IGBP1: variants seen among roughly 807,000 people sequenced by gnomAD.
IGBP1 encodes immunoglobulin-binding protein 1.
IGBP1 carries 2 observed loss-of-function variants against 25.9 expected under a neutral mutation model. That is an observed-to-expected ratio of 0.08 (90% CI 0.03 to 0.24). IGBP1 has a LOEUF of 0.24. Among genes scored for constraint, IGBP1 ranks in the 10% least tolerant of loss-of-function variants. IGBP1 has a pLI of 1.00. For synonymous variants in IGBP1, 96 were observed against 93.4 expected, an observed-to-expected ratio of 1.03 and a Z score of -0.16; for missense variants, 187 against 260.4, an observed-to-expected ratio of 0.72 and a Z score of 1.94.
At chrX:70,145,148 AC>A (rs2085158538) in intron 3 of IGBP1, among the ~76,000 whole-genome samples, 1 of 109,884 alleles carries the variant, frequency 9.1e-6, no homozygotes, top group Non-Finnish European at 1.9e-5. Flanking sequence ...TCAGCTTAAG[AC>A]CCCCTGATTT....
At chrX:70,159,483 C>T (rs1457054776) in intron 6 of IGBP1, among the ~76,000 whole-genome samples, 4 of 111,508 alleles carry the variant, frequency 3.6e-5, no homozygotes, top group Admixed American at 2.9e-4. Flanking sequence ...TTCCAAGGCA[C>T]GGGTGCTCAG....
At position 70,134,525 on chromosome X, in the gene IGBP1, G is replaced by C; in HGVS notation, c.191G>C (p.Arg64Pro). The change falls in exon 3 of 7, where the codon CGA (arginine) becomes CCA (proline). Residue 64 changes from arginine (R) to proline (P), a missense_variant and splice_region_variant. By Grantham distance (103) the Arg-to-Pro change is moderately radical. Transcript: ENST00000356413. The stretch of plus-strand genomic sequence containing the variant: ...CTGCCTCCTTTTTGCTCTTCCAGCC[G>C]AAATGAAGATTTGGAAGAGATTGCT... ...EMLSQLDLFS[R>P]NEDLEEIAST... 2 of 1,210,089 alleles carry C rather than the reference G, an allele frequency of 1.7e-6. No homozygotes were observed. The highest frequency in any genetic ancestry group is 2.2e-6 in the Non-Finnish European group (2 of 894,756).
intron 6 of IGBP1, among the ~76,000 whole-genome samples, chrX:70,151,105 C>T (rs1194055499): frequency 4.5e-5 from 5 of 110,808 alleles, no homozygotes; most frequent in South Asian, 7.6e-4. Flanking sequence ...GGAATACAGG[C>T]GCCTGCCACC....
At chrX:70,162,192 A>G (rs903584005) in intron 6 of IGBP1, among the ~76,000 whole-genome samples, 4 of 111,802 alleles carry the variant, frequency 3.6e-5, no homozygotes, top group Non-Finnish European at 7.5e-5. Flanking sequence ...TGGTCAGGTC[A>G]TCGAGGTTAT....
rs574936064 is a variant in IGBP1, at chrX:70,143,818, A to T, written c.483-2815A>T. The stretch of plus-strand genomic sequence containing the variant: ...TTATGGGAGTTCCGTGGCATCTCTC[A>T]TTAGAAGAAAAGGTTCTTTTACTAA... On this transcript the variant is annotated intron_variant, in intron 3 of 6. Coordinates refer to ENST00000356413, the MANE Select transcript of IGBP1 (RefSeq NM_001551.3). Among the ~76,000 whole-genome samples the T allele has an allele frequency of 7.1e-5, 8 of 112,426 alleles. No homozygotes were observed. In the South Asian group the frequency reaches 2.9e-3, roughly 41 times the overall value.
intron 3 of IGBP1, among the ~76,000 whole-genome samples, chrX:70,145,235 C>T (rs751350442): frequency 7.3e-5 from 8 of 110,236 alleles, no homozygotes; most frequent in Non-Finnish European, 1.3e-4. Context: ...TTTCAAGATA[C>T]GTCTCTTGGA....
chrX:70,147,294 G>A (rs754328902), intron 4 of IGBP1, among the ~76,000 whole-genome samples: 7 of 110,827 alleles, frequency 6.3e-5, no homozygotes, highest in African/African-American at 2.3e-4. Context: ...GTGGTGGTGC[G>A]CGTCTGTGAT....
At chrX:70,142,743 C>T (rs2085138567) in intron 3 of IGBP1, among the ~76,000 whole-genome samples, 1 of 109,124 alleles carries the variant, frequency 9.2e-6, no homozygotes. Context: ...CACTTGAGCC[C>T]AGGAGCTAGA....
chrX:70,149,756 C>A, intron 5 of IGBP1: 2 of 127,487 alleles, frequency 1.6e-5, no homozygotes, highest in East Asian at 2.2e-4. Flanking sequence ...TTTATTATTA[C>A]ATTATTGGCA....
chrX:70,165,916 C>A lies in IGBP1; in HGVS notation c.955C>A (p.Arg319=). The A allele has an allele frequency of 8.3e-7, 1 of 1,207,708 alleles. No individual in the cohort carries two copies. The highest frequency in any genetic ancestry group is 1.1e-6 in the Non-Finnish European group (1 of 892,283). The part of the protein sequence containing the change: ...EDDEQTLHRA[R]EWDDWKDTHP... ...TGATGAACAAACACTCCACAGAGCC[C>A]GGGAGTGGGATGACTGGAAGGACAC... Residue 319 remains arginine, a synonymous_variant, in exon 7 of 7, where the codon CGG becomes AGG. Coordinates refer to ENST00000356413, the MANE Select transcript of IGBP1 (RefSeq NM_001551.3).
chrX:70,156,025 C>T, intron 6 of IGBP1, among the ~76,000 whole-genome samples: 1 of 111,508 alleles, frequency 9.0e-6, no homozygotes, highest in African/African-American at 3.3e-5. Context: ...GTTGGGACAG[C>T]CAGTCAGTGG....
chrX:70,152,119 A>T (rs2085206971), intron 6 of IGBP1, among the ~76,000 whole-genome samples: 1 of 111,119 alleles, frequency 9.0e-6, no homozygotes, highest in South Asian at 3.9e-4. Flanking sequence ...GAATGAGAGA[A>T]CTGAGATCAG....
intron 6 of IGBP1, among the ~76,000 whole-genome samples, chrX:70,160,788 A>G (rs546456504): frequency 1.8e-5 from 2 of 112,200 alleles, no homozygotes; most frequent in South Asian, 7.4e-4. Context: ...AAATCATGCA[A>G]AATTTTAACA....
In IGBP1 at chrX:70,165,881, A is replaced by G; in HGVS notation, c.920A>G (p.Glu307Gly). The G allele has an allele frequency of 8.3e-7, 1 of 1,208,926 alleles. No homozygotes were observed. The highest frequency in any genetic ancestry group is 1.1e-6 in the Non-Finnish European group (1 of 893,394). ...CAACAGGAAGAACAAGAAGAAAAGG[A>G]GGAAGAGGATGATGAACAAACACTC... ...AQQQEEQEEK[E>G]EEDDEQTLHR... is the part of the protein sequence containing the mutation. Residue 307 changes from glutamate (E) to glycine (G), a missense_variant, in exon 7 of 7, where the codon GAG becomes GGG. Transcript: ENST00000356413.
At chrX:70,145,857 G>A (rs1283183231) in intron 3 of IGBP1, among the ~76,000 whole-genome samples, 3 of 112,174 alleles carry the variant, frequency 2.7e-5, no homozygotes, top group South Asian at 3.6e-4. Flanking sequence ...TAATAGCACC[G>A]CTACTTTTCC....
At position 70,158,829 on chromosome X, in the gene IGBP1, T is replaced by C. The variant is rs1310946233; in HGVS notation, c.872-7004T>C. Among the ~76,000 whole-genome samples, 4 of 111,256 alleles carry C rather than the reference T, an allele frequency of 3.6e-5. No individual in the cohort carries two copies. The Admixed American group carries it at 3.8e-4, about 11-fold the overall frequency. ...ACTGCACTCCAGCCTGGCAACAGAGTGAGACTTTGTCTCAAAAAATAAAAA... is the reference window on the plus strand; with the variant it reads ...ACTGCACTCCAGCCTGGCAACAGAGCGAGACTTTGTCTCAAAAAATAAAAA... On this transcript the variant is annotated intron_variant, in intron 6 of 6. Coordinates refer to ENST00000356413, the MANE Select transcript of IGBP1 (RefSeq NM_001551.3).
intron 6 of IGBP1, among the ~76,000 whole-genome samples, chrX:70,161,049 C>A (rs562152325): frequency 2.1e-4 from 23 of 111,094 alleles, no homozygotes; most frequent in Middle Eastern, 4.7e-3. Context: ...ACACACACAC[C>A]CACCCCTGCT....
Position 70,146,619 on chromosome X carries a change from T to C in IGBP1, c.483-14T>C, listed in dbSNP as rs1213548398. ...CATTTGTAAGTTCATGGGTAATGCT[T>C]TTCTGTGGAACAGATACAAGCAGAA... On this transcript the variant is annotated splice_polypyrimidine_tract_variant and intron_variant, in intron 3 of 6. Transcript: ENST00000356413. 8.3e-7 allele frequency: 1 copy of C among 1,198,221 alleles called. No homozygotes were observed. Among genetic ancestry groups the C allele is most frequent in the South Asian group, 1.8e-5 (1 of 56,601 alleles).
At chrX:70,139,356 T>C (rs889940707) in intron 3 of IGBP1, among the ~76,000 whole-genome samples, 3 of 110,089 alleles carry the variant, frequency 2.7e-5, no homozygotes, top group Admixed American at 1.9e-4. Context: ...GAAAATCCAA[T>C]TGGGCAAACA....
Sources: allele counts gnomAD v4.1 joint callset (sites outside exome capture counted in the v4.1 genomes callset), GRCh38; gene constraint gnomAD v4.1.1; transcripts MANE v1.5; gene names NCBI Gene and HGNC (gene_info 2026-07-23, HGNC 2026-07-21).